Variants in ACYP2 observed in about 807,000 individuals in gnomAD.
ACYP2 encodes acylphosphatase 2, also known as acylphosphatase-2.
ACYP2 carries 12 observed loss-of-function variants against 11.2 expected under a neutral mutation model. That is an observed-to-expected ratio of 1.08 (90% CI 0.69 to 1.74). ACYP2 has a LOEUF of 1.74. Among genes scored for constraint, ACYP2 ranks in the 40% most tolerant of loss-of-function variants. The pLI, the probability that ACYP2 is intolerant of heterozygous loss-of-function variation, is 0.00. For synonymous variants in ACYP2, 43 were observed against 32.2 expected (o/e 1.33, Z -1.13); for missense variants, 134 against 101.9 (o/e 1.31, Z -1.35).
intron 6 of ACYP2, among the ~76,000 whole-genome samples, chr2:54,159,677 TAGCACAGGTTGGA>T: frequency 6.6e-6 from 1 of 152,214 alleles, no homozygotes; most frequent in South Asian, 2.1e-4. Context: ...GCAGGTAAAT[TAGCACAGGTTGGA>T]AGCACAGGGG....
intron 6 of ACYP2, among the ~76,000 whole-genome samples, chr2:54,140,522 T>A (rs538262779): frequency 4.1e-5 from 1 of 24,130 alleles, no homozygotes; most frequent in East Asian, 2.1e-3. Flanking sequence ...GTTCACATTC[T>A]CTCTCTCACA....
intron 2 of ACYP2, among the ~76,000 whole-genome samples, chr2:54,039,179 T>C (rs975046770): frequency 4.0e-5 from 6 of 151,672 alleles, no homozygotes; most frequent in Non-Finnish European, 8.8e-5. Flanking sequence ...TTTAAAATAA[T>C]TTTTCAAGTT....
chr2:54,268,968 C>G (rs1388830713), intron 6 of ACYP2, among the ~76,000 whole-genome samples: 1 of 151,988 alleles, frequency 6.6e-6, no homozygotes, highest in African/African-American at 2.4e-5. Flanking sequence ...TAATTTAAAC[C>G]TCATAATTAC....
At chr2:54,293,126 A>G (rs1288250638) in intron 6 of ACYP2, among the ~76,000 whole-genome samples, 2 of 152,200 alleles carry the variant, frequency 1.3e-5, no homozygotes, top group African/African-American at 4.8e-5. Context: ...TCCTCATTTT[A>G]CAGATGAGGC....
chr2:54,189,577 T>C (rs1162945409), intron 6 of ACYP2, among the ~76,000 whole-genome samples: 4 of 131,564 alleles, frequency 3.0e-5, no homozygotes, highest in Admixed American at 3.0e-4. Flanking sequence ...ATATTTAATA[T>C]GTATATCTGT....
chr2:54,267,217 G>T, intron 6 of ACYP2: 1 of 1,476,282 alleles, frequency 6.8e-7, no homozygotes, highest in Non-Finnish European at 9.1e-7. Flanking sequence ...GCCTATAAAA[G>T]TGCCTGGCAC....
intron 6 of ACYP2, among the ~76,000 whole-genome samples, chr2:54,278,473 A>C (rs1688709885): frequency 6.6e-6 from 1 of 152,236 alleles, no homozygotes; most frequent in South Asian, 2.1e-4. Context: ...AATAGATTTT[A>C]TCTGGCATGG....
chr2:54,201,061 T>C (rs1684731417), intron 6 of ACYP2, among the ~76,000 whole-genome samples: 4 of 152,130 alleles, frequency 2.6e-5, no homozygotes, highest in Admixed American at 6.5e-5. Flanking sequence ...TTTAGGGAAA[T>C]GTCTATCCAG....
At chr2:54,250,502 T>A (rs1389629181) in intron 6 of ACYP2, among the ~76,000 whole-genome samples, 1 of 152,144 alleles carries the variant, frequency 6.6e-6, no homozygotes, top group Non-Finnish European at 1.5e-5. Flanking sequence ...AAGTATCTTC[T>A]ATCTCATATG....
intron 4 of ACYP2, among the ~76,000 whole-genome samples, chr2:54,058,901 G>T (rs1676312426): frequency 6.6e-6 from 1 of 152,164 alleles, no homozygotes; most frequent in Non-Finnish European, 1.5e-5. Flanking sequence ...TTTCCACCCA[G>T]ATGGGGGTTA....
intron 6 of ACYP2, among the ~76,000 whole-genome samples, chr2:54,302,453 G>T (rs1475725281): frequency 6.6e-6 from 1 of 152,004 alleles, no homozygotes; most frequent in Non-Finnish European, 1.5e-5. Flanking sequence ...GCCTTTCCTG[G>T]TTCTTCCTCT....
chr2:54,164,208 C>T (rs1417558121), intron 6 of ACYP2, among the ~76,000 whole-genome samples: 1 of 152,078 alleles, frequency 6.6e-6, no homozygotes, highest in Non-Finnish European at 1.5e-5. Context: ...TGGCATGGGT[C>T]AGGGTGAAGC....
intron 6 of ACYP2, among the ~76,000 whole-genome samples, chr2:54,266,300 GC>G (rs1477643912): frequency 6.6e-6 from 1 of 152,186 alleles, no homozygotes; most frequent in African/African-American, 2.4e-5. Context: ...CACTGGACAT[GC>G]CCATGCCCTT....
chr2:53,980,581 A>G (rs972890830), intron 2 of ACYP2, among the ~76,000 whole-genome samples: 1 of 151,968 alleles, frequency 6.6e-6, no homozygotes, highest in African/African-American at 2.4e-5. Flanking sequence ...AGAAAATACC[A>G]TTTATAAATT....
chr2:54,257,487 G>C (rs901568292), intron 6 of ACYP2, among the ~76,000 whole-genome samples: 1 of 152,148 alleles, frequency 6.6e-6, no homozygotes, highest in East Asian at 1.9e-4. Context: ...ATCTTCTCTT[G>C]AGCCTGGAAG....
chr2:54,206,634 C>T (rs937104558), intron 6 of ACYP2, among the ~76,000 whole-genome samples: 15 of 152,332 alleles, frequency 9.8e-5, no homozygotes, highest in Middle Eastern at 3.4e-3. Flanking sequence ...TGTAAACTCT[C>T]CATTTCACTT....
At chr2:53,996,534 A>G (rs1672583374) in intron 2 of ACYP2, among the ~76,000 whole-genome samples, 1 of 152,114 alleles carries the variant, frequency 6.6e-6, no homozygotes, top group Non-Finnish European at 1.5e-5. Flanking sequence ...TGTTAAGAGA[A>G]GTTTTGCAAT....
chr2:54,072,720 G>A (rs896501537), intron 4 of ACYP2, among the ~76,000 whole-genome samples: 4 of 151,806 alleles, frequency 2.6e-5, no homozygotes, highest in African/African-American at 9.7e-5. Context: ...GTGCCACTGT[G>A]CCAGGCTAAT....
At chr2:54,009,389 T>C (rs1365086519) in intron 2 of ACYP2, among the ~76,000 whole-genome samples, 3 of 151,676 alleles carry the variant, frequency 2.0e-5, no homozygotes, top group African/African-American at 7.3e-5. Context: ...TGAAACCCTG[T>C]CTCTACTTAA....
Sources: gnomAD v4.1 joint callset for allele counts (sites outside exome capture counted in the v4.1 genomes callset) on GRCh38, gnomAD v4.1.1 for gene constraint, MANE v1.5 for transcripts, NCBI Gene and HGNC (gene_info 2026-07-23, HGNC 2026-07-21) for gene names.